The following CSMD1 variants were observed in gnomAD, a reference collection of about 807,000 sequenced individuals.
CSMD1 encodes the protein CUB and Sushi multiple domains 1.
A neutral mutation model predicts 417.5 loss-of-function variants in CSMD1; 213 were observed. That is an observed-to-expected ratio of 0.51 (90% CI 0.46 to 0.57). The LOEUF is 0.57. CSMD1 is among the 20% of genes least tolerant of loss of function. The pLI is 0.00. For synonymous variants in CSMD1, 2,862 were observed against 1,736.8 expected (o/e 1.65, Z -16.11); for missense variants, 6,923 against 4,529.7 (o/e 1.53, Z -15.17).
intron 5 of CSMD1, among the ~76,000 whole-genome samples, chr8:3,959,779 G>C (rs943733231): frequency 1.3e-5 from 2 of 152,090 alleles, no homozygotes; most frequent in African/African-American, 4.8e-5. Context: ...TTTGTGATTG[G>C]AATAGCTGCA....
intron 2 of CSMD1, among the ~76,000 whole-genome samples, chr8:4,627,041 T>C (rs940302043): frequency 2.0e-5 from 3 of 152,190 alleles, no homozygotes; most frequent in African/African-American, 7.2e-5. Context: ...CTTTTTTAAA[T>C]TTTGGGAATT....
At chr8:3,951,982 T>A (rs11136687) in intron 5 of CSMD1, among the ~76,000 whole-genome samples, 29,232 of 152,106 alleles carry the variant, frequency 0.19, 3,162 homozygotes, top group East Asian at 0.34. Context: ...AAATTTTCCC[T>A]GATTACACTT....
At chr8:3,532,943 A>T (rs1229283568) in intron 10 of CSMD1, among the ~76,000 whole-genome samples, 1 of 152,214 alleles carries the variant, frequency 6.6e-6, no homozygotes, top group African/African-American at 2.4e-5. Context: ...ATACTTTCAA[A>T]GTATTATCAT....
At chr8:4,438,549 C>G (rs906469533) in intron 2 of CSMD1, among the ~76,000 whole-genome samples, 4 of 152,212 alleles carry the variant, frequency 2.6e-5, no homozygotes, top group African/African-American at 9.6e-5. Flanking sequence ...TTTTACTTTC[C>G]ATCTCTAAGC....
chr8:3,878,908 G>A (rs1237351203), intron 5 of CSMD1, among the ~76,000 whole-genome samples: 1 of 152,156 alleles, frequency 6.6e-6, no homozygotes, highest in Non-Finnish European at 1.5e-5. Context: ...GTTATATGAA[G>A]TCTCAGAGAA....
chr8:3,629,872 G>C (rs1796690735), intron 7 of CSMD1, among the ~76,000 whole-genome samples: 1 of 152,162 alleles, frequency 6.6e-6, no homozygotes, highest in Non-Finnish European at 1.5e-5. Context: ...TAGTTGTACA[G>C]GAAATCGTGC....
intron 50 of CSMD1, among the ~76,000 whole-genome samples, chr8:3,032,006 T>G (rs2128978057): frequency 6.6e-6 from 1 of 151,200 alleles, no homozygotes; most frequent in South Asian, 2.1e-4. Flanking sequence ...AATATAATTA[T>G]ATGTGTGTAT....
At chr8:4,065,746 A>G (rs1799212366) in intron 3 of CSMD1, among the ~76,000 whole-genome samples, 1 of 152,194 alleles carries the variant, frequency 6.6e-6, no homozygotes, top group South Asian at 2.1e-4. Context: ...ATCACCAAAC[A>G]CATAAATGCT....
chr8:4,728,523 A>C (rs1410539267), intron 1 of CSMD1, among the ~76,000 whole-genome samples: 1 of 152,188 alleles, frequency 6.6e-6, no homozygotes, highest in Non-Finnish European at 1.5e-5. Flanking sequence ...GGTGAAATAA[A>C]TAATCTCCCA....
intron 5 of CSMD1, among the ~76,000 whole-genome samples, chr8:3,955,596 G>A (rs530519854): frequency 7.9e-5 from 12 of 152,168 alleles, no homozygotes; most frequent in African/African-American, 1.2e-4. Context: ...TACCTGCCCT[G>A]CTCCATTTTG....
chr8:3,840,327 C>A (rs965511775), intron 5 of CSMD1, among the ~76,000 whole-genome samples: 1 of 152,086 alleles, frequency 6.6e-6, no homozygotes, highest in African/African-American at 2.4e-5. Context: ...ATCTCGCTGT[C>A]CTGTTAACAG....
At chr8:4,800,438 CAAAAAA>C (rs11463488) in intron 1 of CSMD1, among the ~76,000 whole-genome samples, 1 of 115,056 alleles carries the variant, frequency 8.7e-6, no homozygotes. Flanking sequence ...GACTTCATCT[CAAAAAA>C]AAAAAAAAAA....
intron 2 of CSMD1, among the ~76,000 whole-genome samples, chr8:4,590,849 G>T (rs1027689267): frequency 6.6e-6 from 1 of 152,118 alleles, no homozygotes; most frequent in Non-Finnish European, 1.5e-5. Flanking sequence ...CATAATTTGA[G>T]CTTCTCATAA....
intron 3 of CSMD1, among the ~76,000 whole-genome samples, chr8:4,106,453 T>C (rs1245338100): frequency 6.6e-6 from 1 of 152,168 alleles, no homozygotes; most frequent in African/African-American, 2.4e-5. Flanking sequence ...CACACCAAAC[T>C]CTCAGCTTTC....
intron 3 of CSMD1, among the ~76,000 whole-genome samples, chr8:4,284,439 C>A (rs1796951769): frequency 2.1e-5 from 3 of 141,574 alleles, no homozygotes; most frequent in East Asian, 2.3e-4. Context: ...GAGGGTACCT[C>A]CACTCCGTGT....
intron 1 of CSMD1, among the ~76,000 whole-genome samples, chr8:4,719,781 T>C (rs1808930086): frequency 6.6e-6 from 1 of 152,212 alleles, no homozygotes; most frequent in Non-Finnish European, 1.5e-5. Context: ...AAATTATTAT[T>C]TCCCTTTGAG....
chr8:3,646,985 G>C (rs1260155072), intron 7 of CSMD1, among the ~76,000 whole-genome samples: 1 of 152,120 alleles, frequency 6.6e-6, no homozygotes, highest in African/African-American at 2.4e-5. Context: ...AAATTCAAGG[G>C]CCAGATACGC....
Position 3,873,856 on chromosome 8 carries a change from G to C in CSMD1, c.819-119814C>G, listed in dbSNP as rs1015287071. On this transcript the variant is annotated intron_variant, in intron 5 of 69. Transcript: ENST00000635120. ...GTAGTTTCTGGATGTTAGGAACACA[G>C]AGGAGATATTCATTTAAGCCAGACT... is the stretch of plus-strand genomic sequence containing the variant. Among the ~76,000 whole-genome samples, 12 of 152,202 alleles carry C rather than the reference G, an allele frequency of 7.9e-5. No individual in the cohort carries two copies. The East Asian group carries it at 2.1e-3, about 27-fold the overall frequency.
intron 3 of CSMD1, among the ~76,000 whole-genome samples, chr8:4,035,302 T>C (rs1311209507): frequency 6.6e-6 from 1 of 152,204 alleles, no homozygotes; most frequent in East Asian, 1.9e-4. Flanking sequence ...TCACTGCATA[T>C]GCTTGATGAT....
Sources: gnomAD v4.1 joint callset for allele counts (sites outside exome capture counted in the v4.1 genomes callset) on GRCh38, gnomAD v4.1.1 for gene constraint, MANE v1.5 for transcripts, NCBI Gene and HGNC (gene_info 2026-07-23, HGNC 2026-07-21) for gene names.